FZD6: variants seen among roughly 807,000 people sequenced by gnomAD.
The protein encoded by FZD6 is frizzled-6.
In FZD6, 49 loss-of-function variants were observed where a neutral mutation model predicts 61.4. The observed-to-expected ratio is 0.80, with a 90% CI of 0.63 to 1.01. The LOEUF (loss-of-function observed/expected upper bound fraction) is 1.01. Among genes scored for constraint, FZD6 ranks in the 50% least tolerant of loss-of-function variants. The probability of loss-of-function intolerance (pLI) is 0.00; values close to 1 mark genes in which losing one functional copy is unlikely to be tolerated. For synonymous variants in FZD6, 265 were observed against 292.2 expected (o/e 0.91, Z 0.95); for missense variants, 724 against 848.2 (o/e 0.85, Z 1.82).
chr8:103,329,790 A>G lies in FZD6; in HGVS notation c.1677A>G (p.Gly559=). The change falls in exon 6 of 7, where the codon GGA becomes GGG. Residue 559 remains glycine, a synonymous_variant. Coordinates refer to ENST00000358755, the MANE Select transcript of FZD6 (RefSeq NM_003506.4). ...TGAAGGTCATTTCCAAATCCATGGG[A>G]ACCAGCACAGGAGCTACAGCAAATC... ...HKLKVISKSM[G]TSTGATANHG... The G allele has an allele frequency of 6.2e-7, 1 of 1,614,206 alleles. No homozygotes were observed. The highest frequency in any genetic ancestry group is 8.5e-7 in the Non-Finnish European group (1 of 1,180,016).
chr8:103,327,514 T>G (rs1814986577), intron 4 of FZD6, among the ~76,000 whole-genome samples: 1 of 152,138 alleles, frequency 6.6e-6, no homozygotes, highest in Non-Finnish European at 1.5e-5. Context: ...GAGAATTGCT[T>G]GAACGCGGGA....
At chr8:103,313,926 C>T (rs1162072113) in intron 2 of FZD6, among the ~76,000 whole-genome samples, 1 of 152,108 alleles carries the variant, frequency 6.6e-6, no homozygotes, top group Non-Finnish European at 1.5e-5. Context: ...CCTGACAATT[C>T]TATGCCCCCA....
chr8:103,318,606 C>A lies in FZD6; in HGVS notation c.194C>A (p.Ala65Glu). 2 of 1,605,038 alleles carry A rather than the reference C, an allele frequency of 1.2e-6. No homozygotes were observed. The highest frequency in any genetic ancestry group is 1.7e-6 in the Non-Finnish European group (2 of 1,171,786). The change falls in exon 3 of 7, where the codon GCA becomes GAA. Residue 65 changes from alanine to glutamate, a missense_variant. By Grantham distance (107) the Ala-to-Glu change is moderately radical (BLOSUM62 -1). Coordinates refer to ENST00000358755, the MANE Select transcript of FZD6 (RefSeq NM_003506.4). ...AVEMEHFLPL[A>E]NLECSPNIET... ...CTTTAATAGCATTTTCTTCCTCTCG[C>A]AAATCTGGAATGTTCACCAAACATT...
At chr8:103,330,343 A>G (rs1815085617) in intron 6 of FZD6, among the ~76,000 whole-genome samples, 1 of 152,240 alleles carries the variant, frequency 6.6e-6, no homozygotes, top group Admixed American at 6.5e-5. Flanking sequence ...TACCCAAAAT[A>G]CAGGCTAAGT....
rs535188346 is a variant in FZD6, at chr8:103,302,352, C to T, written c.177+2068C>T. ...AAGTGACCCTAAAGATCATATAGAGCTTCTTAACCTTTTTTATGACATTAA... is the reference window on the plus strand; with the variant it reads ...AAGTGACCCTAAAGATCATATAGAGTTTCTTAACCTTTTTTATGACATTAA... On this transcript the variant is annotated intron_variant, in intron 2 of 6. Transcript: ENST00000358755. 1.6e-4 allele frequency among the ~76,000 whole-genome samples: 24 copies of T among 152,170 alleles called. 1 individual carries two copies. Among genetic ancestry groups the T allele is most frequent in the African/African-American group, 5.3e-4 (22 of 41,532 alleles).
In FZD6 at chr8:103,325,394, A is replaced by G; in HGVS notation, c.1288A>G (p.Thr430Ala). 1 of 1,613,378 alleles carries G rather than the reference A, an allele frequency of 6.2e-7. No individual in the cohort carries two copies. The change falls in exon 4 of 7, where the codon ACA becomes GCA. Residue 430 changes from threonine to alanine, a missense_variant. Thr to Ala is a moderately conservative substitution (Grantham distance 58). Coordinates refer to ENST00000358755, the MANE Select transcript of FZD6 (RefSeq NM_003506.4). ...CGGCTTGTATCTTGTGCCATTAGTG[A>G]CACTTCTCGGATGTTACGTCTATGA... ...FSGLYLVPLV[T>A]LLGCYVYEQV... is the part of the protein sequence containing the mutation.
At chr8:103,328,810 T>G (rs1160558403) in intron 5 of FZD6, among the ~76,000 whole-genome samples, 1 of 151,386 alleles carries the variant, frequency 6.6e-6, no homozygotes, top group Non-Finnish European at 1.5e-5. Context: ...AGATTAAGAC[T>G]TAAGTATATA....
Position 103,325,206 on chromosome 8 carries a change from C to T in FZD6, c.1100C>T (p.Ser367Phe), listed in dbSNP as rs142793974. The T allele has an allele frequency of 2.3e-5, 37 of 1,614,090 alleles. No individual in the cohort carries two copies. The highest frequency in any genetic ancestry group is 3.1e-5 in the Non-Finnish European group (37 of 1,180,032). ...CFVGLYDLDA[S>F]RYFVLLPLCL... ...GTTGGCCTTTATGACCTGGATGCTT[C>T]TCGCTACTTTGTACTCTTGCCACTG... Residue 367 changes from serine (S) to phenylalanine (F), a missense_variant, in exon 4 of 7, where the codon TCT becomes TTT. Ser to Phe is a radical substitution (Grantham distance 155). Transcript: ENST00000358755.
rs116190145 is a variant in FZD6 at position 103,311,542 on chromosome 8, C to T, written c.178-7048C>T. Among the ~76,000 whole-genome samples, 628 of 151,958 alleles carry T rather than the reference C, an allele frequency of 4.1e-3. 4 individuals carry two copies. Among genetic ancestry groups the T allele is most frequent in the African/African-American group, 0.013 (539 of 41,440 alleles). On this transcript the variant is annotated intron_variant, in intron 2 of 6. Coordinates refer to ENST00000358755, the MANE Select transcript of FZD6 (RefSeq NM_003506.4). ...CACTTGAGCTCAGGAGTTCAAGATC[C>T]GTCTGGGCAACACAGACTCTATCTC... is the stretch of plus-strand genomic sequence containing the variant.
chr8:103,321,574 A>C (rs1471509649), intron 3 of FZD6, among the ~76,000 whole-genome samples: 1 of 152,238 alleles, frequency 6.6e-6, no homozygotes, highest in Non-Finnish European at 1.5e-5. Context: ...TGAAGGCTGC[A>C]TCTATTATTT....
At chr8:103,319,289 G>T (rs1814716092) in intron 3 of FZD6, among the ~76,000 whole-genome samples, 1 of 152,066 alleles carries the variant, frequency 6.6e-6, no homozygotes, top group Admixed American at 6.6e-5. Context: ...GCATATACAG[G>T]GAATTCAAAA....
At chr8:103,304,208 A>T (rs1024194747) in intron 2 of FZD6, among the ~76,000 whole-genome samples, 20 of 152,362 alleles carry the variant, frequency 1.3e-4, no homozygotes, top group Admixed American at 7.2e-4. Context: ...AATTCCGTAT[A>T]AGTCAAAAGA....
chr8:103,323,876 GAACA>G (rs1448772537), intron 3 of FZD6, among the ~76,000 whole-genome samples: 1 of 152,150 alleles, frequency 6.6e-6, no homozygotes, highest in Non-Finnish European at 1.5e-5. Context: ...AGCCCAACCT[GAACA>G]AAATGGTGAT....
chr8:103,330,414 G>A (rs1429654889), intron 6 of FZD6, among the ~76,000 whole-genome samples: 1 of 152,084 alleles, frequency 6.6e-6, no homozygotes, highest in Non-Finnish European at 1.5e-5. Context: ...AAATTATAAT[G>A]TGTCATTTTA....
rs550526662 is a variant in FZD6, at chr8:103,331,721, G to C, written c.*212G>C. 44 of 512,540 alleles carry C rather than the reference G, an allele frequency of 8.6e-5. 1 individual carries two copies. The South Asian group carries it at 9.2e-4, about 11-fold the overall frequency. 31.7% of individuals were successfully genotyped at this position (512,540 alleles called of 1,614,324 possible). On this transcript the variant is annotated 3_prime_UTR_variant, in exon 7 of 7. Transcript: ENST00000358755. ...TATACCTGAAAACAGAAAATGTGCA[G>C]GTTAATAATATTTTTTTAATAGTGT...
chr8:103,318,100 A>C (rs1814682826), intron 2 of FZD6, among the ~76,000 whole-genome samples: 1 of 152,116 alleles, frequency 6.6e-6, no homozygotes, highest in South Asian at 2.1e-4. Context: ...TTCCCTTGAG[A>C]GTCAGTAGAG....
At position 103,305,021 on chromosome 8, in the gene FZD6, G is replaced by A. The variant is rs78791497; in HGVS notation, c.177+4737G>A. On this transcript the variant is annotated intron_variant, in intron 2 of 6. Coordinates refer to ENST00000358755, the MANE Select transcript of FZD6 (RefSeq NM_003506.4). ...TTAATTTACAATTCTGCATAGTAAC[G>A]GGGCTTTGTAATGAAAAGGATGTAC... 5.1e-3 allele frequency among the ~76,000 whole-genome samples: 778 copies of A among 152,222 alleles called. 7 individuals are homozygous for A. The highest frequency in any genetic ancestry group is 0.017 in the African/African-American group (710 of 41,520).
At chr8:103,330,993 T>C (rs112731175) in intron 6 of FZD6, among the ~76,000 whole-genome samples, 6,102 of 152,204 alleles carry the variant, frequency 0.04, 203 homozygotes, top group South Asian at 0.15. Flanking sequence ...CTGGCTAACA[T>C]GGTGAAACCC....
chr8:103,313,238 T>C (rs1814544959), intron 2 of FZD6, among the ~76,000 whole-genome samples: 2 of 152,220 alleles, frequency 1.3e-5, no homozygotes, highest in African/African-American at 4.8e-5. Flanking sequence ...TTATGGTAAG[T>C]ACCAAATAAG....
Sources: gnomAD v4.1 joint callset for allele counts (sites outside exome capture counted in the v4.1 genomes callset) on GRCh38, gnomAD v4.1.1 for gene constraint, MANE v1.5 for transcripts, NCBI Gene and HGNC (gene_info 2026-07-23, HGNC 2026-07-21) for gene names.